INPP4B: variants seen among roughly 807,000 people sequenced by gnomAD.
INPP4B encodes inositol polyphosphate 4-phosphatase type II.
A neutral mutation model predicts 122.5 loss-of-function variants in INPP4B; 55 were observed. The observed-to-expected ratio is 0.45, with a 90% CI of 0.36 to 0.56. INPP4B has a LOEUF of 0.56. Ranked by LOEUF, INPP4B falls within the 20% of genes least tolerant of loss-of-function variation. The pLI is 0.00. For synonymous variants in INPP4B, 403 were observed against 388.7 expected (o/e 1.04, Z -0.43); for missense variants, 1,000 against 1,097.7 (o/e 0.91, Z 1.26).
At chr4:142,154,720 A>G (rs747303561) in intron 17 of INPP4B, among the ~76,000 whole-genome samples, 1 of 152,146 alleles carries the variant, frequency 6.6e-6, no homozygotes, top group African/African-American at 2.4e-5. Context: ...AAGTTGAAAT[A>G]TTCTCTGTTT....
At position 142,578,290 on chromosome 4, in the gene INPP4B, G is replaced by A. The variant is rs148578752; in HGVS notation, c.-190-115564C>T. Among the ~76,000 whole-genome samples the A allele has an allele frequency of 5.2e-3, 792 of 152,024 alleles. 7 individuals carry two copies. Among genetic ancestry groups the A allele is most frequent in the African/African-American group, 0.017 (713 of 41,510 alleles). ...TCTTCCTTGAGTGATGCTTAAACCC[G>A]TAATGATGAGATTTGCCTCGTGACT... On this transcript the variant is annotated intron_variant, in intron 2 of 25. Coordinates refer to ENST00000262992, the MANE Select transcript of INPP4B (RefSeq NM_001101669.3).
intron 3 of INPP4B, among the ~76,000 whole-genome samples, chr4:142,450,005 C>A (rs1213921719): frequency 2.0e-5 from 3 of 152,160 alleles, no homozygotes; most frequent in Non-Finnish European, 4.4e-5. Flanking sequence ...AATCTCAGTT[C>A]TCTCTCCCTA....
At chr4:142,711,687 G>A (rs1029994960) in intron 2 of INPP4B, among the ~76,000 whole-genome samples, 2 of 152,136 alleles carry the variant, frequency 1.3e-5, no homozygotes, top group Non-Finnish European at 2.9e-5. Context: ...GTATTAAGAG[G>A]TGGGGACTTT....
chr4:142,720,735 T>TATATATGTATATATACATATATATAAAA (rs1308644471), intron 2 of INPP4B, among the ~76,000 whole-genome samples: 1 of 90,716 alleles, frequency 1.1e-5, no homozygotes, highest in Non-Finnish European at 2.1e-5. Flanking sequence ...TATATACATA[T>TATATATGTATATATACATATATATAAAA]ATATATATAT....
At chr4:142,770,364 G>A (rs1205586209) in intron 1 of INPP4B, among the ~76,000 whole-genome samples, 2 of 152,040 alleles carry the variant, frequency 1.3e-5, no homozygotes, top group Non-Finnish European at 2.9e-5. Flanking sequence ...ATAAGTAAAA[G>A]GGCTGTAATT....
chr4:142,342,155 T>C (rs1778907189), intron 7 of INPP4B, among the ~76,000 whole-genome samples: 1 of 152,140 alleles, frequency 6.6e-6, no homozygotes, highest in African/African-American at 2.4e-5. Flanking sequence ...GTTGCGAGCA[T>C]TTAAATGCAC....
chr4:142,171,915 A>G (rs1825815641), intron 16 of INPP4B, among the ~76,000 whole-genome samples: 1 of 151,892 alleles, frequency 6.6e-6, no homozygotes, highest in Non-Finnish European at 1.5e-5. Flanking sequence ...CAAGAAGAAT[A>G]TAAATACTGC....
chr4:142,187,993 GAA>G (rs1479472978), intron 15 of INPP4B, among the ~76,000 whole-genome samples: 1 of 151,842 alleles, frequency 6.6e-6, no homozygotes. Flanking sequence ...TTATATGTGG[GAA>G]AAAAAGACTG....
intron 11 of INPP4B, among the ~76,000 whole-genome samples, chr4:142,254,012 A>C (rs1341986559): frequency 7.0e-6 from 1 of 143,560 alleles, no homozygotes; most frequent in Non-Finnish European, 1.6e-5. Flanking sequence ...AGATCTGAGA[A>C]CGGGCAGACT....
chr4:142,398,401 A>AATATATATATATAT (rs1206023677), intron 7 of INPP4B, among the ~76,000 whole-genome samples: 3 of 28,508 alleles, frequency 1.1e-4, no homozygotes, highest in East Asian at 3.7e-3. Flanking sequence ...AAAAAAAAAA[A>AATATATATATATAT]ATATATATAT....
chr4:142,595,933 C>T (rs1181053449), intron 2 of INPP4B, among the ~76,000 whole-genome samples: 1 of 152,046 alleles, frequency 6.6e-6, no homozygotes, highest in African/African-American at 2.4e-5. Context: ...CACTGCAACT[C>T]CACCTCCTGG....
chr4:142,782,057 G>T (rs1774922051), intron 1 of INPP4B, among the ~76,000 whole-genome samples: 1 of 151,686 alleles, frequency 6.6e-6, no homozygotes, highest in Non-Finnish European at 1.5e-5. Context: ...ATGTATACAT[G>T]TGCCATGCTG....
intron 12 of INPP4B, among the ~76,000 whole-genome samples, chr4:142,227,867 A>AG (rs1852271190): frequency 6.7e-6 from 1 of 150,132 alleles, no homozygotes; most frequent in Non-Finnish European, 1.5e-5. Flanking sequence ...AAAAAAAAAA[A>AG]AAAAAAAAAA....
At chr4:142,323,654 C>T (rs548195023) in intron 7 of INPP4B, among the ~76,000 whole-genome samples, 51 of 151,948 alleles carry the variant, frequency 3.4e-4, no homozygotes, top group Non-Finnish European at 6.8e-4. Context: ...ACCATGTTAG[C>T]CAGGATGGTC....
rs371683652 is a variant in INPP4B, at chr4:142,739,374, G to T, written c.-253-13473C>A. Reference sequence around the variant, plus strand: ...ACTTGAGCATATGGTATCAAGGAAAGTAATTGTTTAGAATTTGTCCAATAG... The same window carrying T: ...ACTTGAGCATATGGTATCAAGGAAATTAATTGTTTAGAATTTGTCCAATAG... On this transcript the variant is annotated intron_variant, in intron 1 of 25. Coordinates refer to ENST00000262992, the MANE Select transcript of INPP4B (RefSeq NM_001101669.3). 9.0e-4 allele frequency among the ~76,000 whole-genome samples: 137 copies of T among 152,126 alleles called. 1 individual carries two copies. The highest frequency in any genetic ancestry group is 3.1e-3 in the African/African-American group (128 of 41,544).
chr4:142,710,270 C>A (rs777626430), intron 2 of INPP4B, among the ~76,000 whole-genome samples: 1 of 152,110 alleles, frequency 6.6e-6, no homozygotes, highest in Non-Finnish European at 1.5e-5. Context: ...GATTAGCTTT[C>A]CTATTGATTT....
intron 1 of INPP4B, among the ~76,000 whole-genome samples, chr4:142,841,086 C>T (rs888540581): frequency 2.0e-5 from 3 of 151,998 alleles, no homozygotes; most frequent in Non-Finnish European, 4.4e-5. Flanking sequence ...AATTATGCAG[C>T]TATTCTCTTA....
rs137867984 is a variant in INPP4B at position 142,194,186 on chromosome 4, G to A, written c.1073-991C>T. On this transcript the variant is annotated intron_variant, in intron 14 of 25. Transcript: ENST00000262992. Reference sequence around the variant, plus strand: ...TAAAAAAAGTCTTCAAGTGAAAGATGTCAGCAGCATTCAGAAAATGCAAGA... The same window carrying A: ...TAAAAAAAGTCTTCAAGTGAAAGATATCAGCAGCATTCAGAAAATGCAAGA... 2.8e-3 allele frequency among the ~76,000 whole-genome samples: 421 copies of A among 152,190 alleles called. 3 individuals carry two copies. The Middle Eastern group carries it at 0.048, about 17-fold the overall frequency.
At chr4:142,400,117 C>T (rs1290135549) in intron 7 of INPP4B, among the ~76,000 whole-genome samples, 1 of 152,158 alleles carries the variant, frequency 6.6e-6, no homozygotes, top group Non-Finnish European at 1.5e-5. Context: ...CATCATTTCT[C>T]TTTAAAAACA....
Sources: gnomAD v4.1 joint callset for allele counts (sites outside exome capture counted in the v4.1 genomes callset) on GRCh38, gnomAD v4.1.1 for gene constraint, MANE v1.5 for transcripts, NCBI Gene and HGNC (gene_info 2026-07-23, HGNC 2026-07-21) for gene names.